Variants in PCYT2 observed in about 807,000 individuals in gnomAD.
The protein encoded by PCYT2 is ethanolamine-phosphate cytidylyltransferase.
A neutral mutation model predicts 50.0 loss-of-function variants in PCYT2; 33 were observed. The observed-to-expected ratio is 0.66, with a 90% CI of 0.50 to 0.88. The LOEUF is 0.88. Ranked by LOEUF, PCYT2 falls within the 40% of genes least tolerant of loss-of-function variation. The pLI, the probability that PCYT2 is intolerant of heterozygous loss-of-function variation, is 0.00. For missense variants in PCYT2, 430 were observed against 519.7 expected (o/e 0.83, Z 1.68); for synonymous variants, 240 against 203.7 (o/e 1.18, Z -1.52).
rs770187990 is a variant in PCYT2 at position 81,908,608 on chromosome 17, G to A, written c.367C>T (p.Arg123Trp). 30 of 1,613,460 alleles carry A rather than the reference G, an allele frequency of 1.9e-5. No individual in the cohort carries two copies. Among genetic ancestry groups the A allele is most frequent in the Admixed American group, 3.3e-5 (2 of 60,004 alleles). ...TGCTTTACTTCCTCATAGGTGTCCC[G>A]GCCATCTACAGTCAGGGTGATGTCA... ...GNDITLTVDGRDTYEEVKQAG... is the reference protein window; with the variant it reads ...GNDITLTVDGWDTYEEVKQAG... Residue 123 changes from arginine to tryptophan, a missense_variant, in exon 4 of 13, where the codon CGG becomes TGG. By Grantham distance (101) the Arg-to-Trp change is moderately radical. Around this residue, in one of 4 missense-constraint regions of PCYT2, gnomAD observed 117 missense variants for 163.9 expected, o/e 0.71. Coordinates refer to ENST00000538936, the MANE Select transcript of PCYT2 (RefSeq NM_002861.5).
In PCYT2 at chr17:81,911,331, C is replaced by T. The variant is rs1021283752; in HGVS notation, c.25G>A (p.Ala9Thr). MIRNGRGAAGGAEQPGPGG... is the reference protein window; with the variant it reads MIRNGRGATGGAEQPGPGG... ...GGGCCCGGCTGCTCTGCGCCGCCTG[C>T]AGCCCCGCGCCCGTTCCGGATCATG... is the stretch of plus-strand genomic sequence containing the variant. The change falls in exon 1 of 13, where the codon GCA (alanine) becomes ACA (threonine). Residue 9 changes from alanine to threonine, a missense_variant. Transcript: ENST00000538936. The T allele has an allele frequency of 5.4e-6, 6 of 1,116,680 alleles. No individual in the cohort carries two copies. The African/African-American group carries it at 8.4e-5, about 16-fold the overall frequency. The allele number at this position is 1,116,680 out of a possible 1,614,324, so 69.2% of individuals were successfully genotyped here. A position where few individuals can be genotyped will look rare whatever the true frequency, so the allele number is the denominator to read the frequency against.
chr17:81,906,045 G>C (rs2040245064), intron 9 of PCYT2, 55 bp downstream of exon 9: 1 of 1,483,544 alleles, frequency 6.7e-7, no homozygotes, highest in Admixed American at 1.9e-5. Context: ...CTTAGTAGGG[G>C]GGATGTTGTG....
In PCYT2 at chr17:81,911,113, C is replaced by T. The variant is rs1034059985; in HGVS notation, c.89+154G>A. 10 of 1,002,384 alleles carry T rather than the reference C, an allele frequency of 1.0e-5. No homozygotes were observed. In the South Asian group the frequency reaches 4.2e-4, roughly 42 times the overall value. The allele number at this position is 1,002,384 out of a possible 1,614,324, so 62.1% of individuals were successfully genotyped here. ...CGGAGCCTCTGCAGCCCGACCCTCC[C>T]GGCAGGCGAGCCCCGCAGCCTGCCA... On this transcript the variant is annotated intron_variant, in intron 1 of 12. Transcript: ENST00000538936.
At chr17:81,906,683 C>T (rs1363958450) in intron 7 of PCYT2, 77 bp downstream of exon 7, 12 of 1,597,004 alleles carry the variant, frequency 7.5e-6, no homozygotes, top group Non-Finnish European at 1.0e-5. Context: ...GTCTGGGGGC[C>T]CCAAGGAGTC....
At position 81,905,053 on chromosome 17, in the gene PCYT2, CA is replaced by C. The variant is rs760359124; in HGVS notation, c.1058+12del. On this transcript the variant is annotated intron_variant, in intron 12 of 12. Transcript: ENST00000538936. ...CCATGAGGCGGCTCCGAGGTGCCCC[CA>C]CCCAACTGCACCTGTTGGTGATGAT... 6.2e-7 allele frequency: 1 copy of C among 1,605,418 alleles called. No individual in the cohort carries two copies. The highest frequency in any genetic ancestry group is 2.2e-5 in the East Asian group (1 of 44,632).
chr17:81,907,255 G>A, intron 6 of PCYT2: 1 of 1,533,008 alleles, frequency 6.5e-7, no homozygotes. Context: ...TCGGGTGAGG[G>A]GGCTACAATG....
rs1273179683 is a variant in PCYT2 at position 81,905,161 on chromosome 17, G to A, written c.970-7C>T. ...TGCCCCTTCTCTTGGGCTCCTGGGG[G>A]TCCAGAGAGGAGGAGCGGGATGAAG... On this transcript the variant is annotated splice_polypyrimidine_tract_variant and splice_region_variant and intron_variant, in intron 11 of 12. Transcript: ENST00000538936. The A allele has an allele frequency of 3.7e-6, 6 of 1,609,276 alleles. No homozygotes were observed. The highest frequency in any genetic ancestry group is 1.6e-4 in the Middle Eastern group (1 of 6,074).
At position 81,904,277 on chromosome 17, in the gene PCYT2, G is replaced by C. The variant is rs1413309054; in HGVS notation, c.*556C>G. 6.6e-6 allele frequency: 1 copy of C among 152,520 alleles called. No individual in the cohort carries two copies. Among genetic ancestry groups the C allele is most frequent in the Non-Finnish European group, 1.5e-5 (1 of 68,254 alleles). 9.4% of individuals were successfully genotyped at this position (152,520 alleles called of 1,614,324 possible). A position where few individuals can be genotyped will look rare whatever the true frequency, so the allele number is the denominator to read the frequency against. ...ATTCGGTTGTACCAAAGAGATTTCC[G>C]TCAGCCATGTACAAACAGAACAGAG... On this transcript the variant is annotated 3_prime_UTR_variant, in exon 13 of 13. Transcript: ENST00000538936.
Position 81,904,857 on chromosome 17 carries a change from C to G in PCYT2, c.1146G>C (p.Leu382=), listed in dbSNP as rs549688337. ...EAARQQAAQP[L]GERDGDF ...GTTAGAAGTCACCATCGCGCTCCCC[C>G]AGGGGCTGTGCCGCCTGCTGCCTGG... The change falls in exon 13 of 13, where the codon CTG becomes CTC. Residue 382 remains leucine (L), a synonymous_variant. Coordinates refer to ENST00000538936, the MANE Select transcript of PCYT2 (RefSeq NM_002861.5). 3 of 1,612,370 alleles carry G rather than the reference C, an allele frequency of 1.9e-6. No individual in the cohort carries two copies. The African/African-American group carries it at 4.0e-5, about 21-fold the overall frequency.
Position 81,905,707 on chromosome 17 carries a change from G to A in PCYT2, c.866C>T (p.Pro289Leu), listed in dbSNP as rs1204173741. The A allele has an allele frequency of 8.1e-6, 13 of 1,613,472 alleles. No homozygotes were observed. Among genetic ancestry groups the A allele is most frequent in the Admixed American group, 3.3e-5 (2 of 59,998 alleles). Reference protein sequence around the residue: ...RYVSEVVIGAPYAVTAELLSH... With the variant: ...RYVSEVVIGALYAVTAELLSH... ...TAGGAGCTCTGCTGTGACCGCGTAC[G>A]GGGCTCCAATCACCACTTCTGACAC... Residue 289 changes from proline to leucine, a missense_variant, in exon 10 of 13, where the codon CCG becomes CTG. By Grantham distance (98) the Pro-to-Leu change is moderately conservative (BLOSUM62 -3). Around this residue, in one of 4 missense-constraint regions of PCYT2, gnomAD observed 248 missense variants for 300.2 expected, o/e 0.83. Coordinates refer to ENST00000538936, the MANE Select transcript of PCYT2 (RefSeq NM_002861.5).
intron 1 of PCYT2, 127 bp from the exon 2 acceptor site, chr17:81,909,729 G>A (rs2040473688): frequency 2.8e-6 from 2 of 705,352 alleles, no homozygotes; most frequent in South Asian, 1.5e-5. Flanking sequence ...CTGCTGCTGG[G>A]AGCCCTGGGA....
chr17:81,902,094 G>A lies in PCYT2; in HGVS notation c.*2739C>T. ...CGCGCCTCCAGCGCTCGCCCGCGCGGCTGGTTCCTTTGGGATGCGGAGGTG... is the reference window on the plus strand; with the variant it reads ...CGCGCCTCCAGCGCTCGCCCGCGCGACTGGTTCCTTTGGGATGCGGAGGTG... On this transcript the variant is annotated 3_prime_UTR_variant, in exon 13 of 13. Coordinates refer to ENST00000538936, the MANE Select transcript of PCYT2 (RefSeq NM_002861.5). 2.4e-6 allele frequency: 1 copy of A among 419,164 alleles called. No homozygotes were observed. The highest frequency in any genetic ancestry group is 3.7e-6 in the Non-Finnish European group (1 of 270,050). The allele number at this position is 419,164 out of a possible 1,614,324, so 26.0% of individuals were successfully genotyped here.
chr17:81,905,525 G>A (rs2040213366), intron 10 of PCYT2, 78 bp from the exon 11 acceptor site: 4 of 1,469,906 alleles, frequency 2.7e-6, no homozygotes, highest in Non-Finnish European at 3.7e-6. Flanking sequence ...ACAGGCCCCG[G>A]GGGTTGGGAG....
rs1255780415 is a variant in PCYT2 at position 81,904,683 on chromosome 17, G to A, written c.*150C>T. The A allele has an allele frequency of 5.0e-6, 3 of 604,148 alleles. No homozygotes were observed. The highest frequency in any genetic ancestry group is 3.7e-5 in the African/African-American group (2 of 54,026). The allele number at this position is 604,148 out of a possible 1,614,324, so 37.4% of individuals were successfully genotyped here. ...AGAGCGGAGAGCCTGCTGCAAACCAGGCACCTTGTAGGCAGGCAAGGAGGC... is the reference window on the plus strand; with the variant it reads ...AGAGCGGAGAGCCTGCTGCAAACCAAGCACCTTGTAGGCAGGCAAGGAGGC... On this transcript the variant is annotated 3_prime_UTR_variant, in exon 13 of 13. Coordinates refer to ENST00000538936, the MANE Select transcript of PCYT2 (RefSeq NM_002861.5).
Position 81,902,805 on chromosome 17 carries a change from G to C in PCYT2, c.*2028C>G. ...CCCCGCCCCCACCGTCCCACTCGGT[G>C]ACCCCAGGCCCCTCCGGCGCGGGAT... On this transcript the variant is annotated 3_prime_UTR_variant, in exon 13 of 13. Coordinates refer to ENST00000538936, the MANE Select transcript of PCYT2 (RefSeq NM_002861.5). The C allele has an allele frequency of 6.5e-7, 1 of 1,528,786 alleles. No homozygotes were observed. Among genetic ancestry groups the C allele is most frequent in the Non-Finnish European group, 8.8e-7 (1 of 1,135,424 alleles). The allele number at this position is 1,528,786 out of a possible 1,614,324, so 94.7% of individuals were successfully genotyped here. A position where few individuals can be genotyped will look rare whatever the true frequency, so the allele number is the denominator to read the frequency against.
At position 81,906,520 on chromosome 17, in the gene PCYT2, T is replaced by C; in HGVS notation, c.703A>G (p.Lys235Glu). Residue 235 changes from lysine (K) to glutamate (E), a missense_variant, in exon 8 of 13, where the codon AAG (lysine) becomes GAG (glutamate). By Grantham distance (56) the Lys-to-Glu change is moderately conservative. Coordinates refer to ENST00000538936, the MANE Select transcript of PCYT2 (RefSeq NM_002861.5). ...FHIGHVDFLE[K>E]VHRLAERPYI... ...GGCCTCTCTGCCAGCCTGTGCACCT[T>C]CTCCAGGAAGTCCACATGCCCGATG... The C allele has an allele frequency of 6.2e-7, 1 of 1,613,462 alleles. No homozygotes were observed. Among genetic ancestry groups the C allele is most frequent in the Non-Finnish European group, 8.5e-7 (1 of 1,179,902 alleles).
chr17:81,907,868 CAGTG>C lies in PCYT2; in HGVS notation c.408-15_408-12del, dbSNP rs745841208. On this transcript the variant is annotated splice_polypyrimidine_tract_variant and intron_variant, in intron 4 of 12. Coordinates refer to ENST00000538936, the MANE Select transcript of PCYT2 (RefSeq NM_002861.5). ...GTGCGCTTGCATTCTCTGGGGGACA[CAGTG>C]GGAGTGGGGTCTCATCCTGGGACAC... 2.0e-5 allele frequency: 32 copies of C among 1,598,322 alleles called. No individual in the cohort carries two copies. Among genetic ancestry groups the C allele is most frequent in the Admixed American group, 6.8e-5 (4 of 59,084 alleles).
At position 81,902,778 on chromosome 17, in the gene PCYT2, C is replaced by A. The variant is rs1374967124; in HGVS notation, c.*2055G>T. 6.4e-7 allele frequency: 1 copy of A among 1,571,498 alleles called. No individual in the cohort carries two copies. The highest frequency in any genetic ancestry group is 8.6e-7 in the Non-Finnish European group (1 of 1,161,528). On this transcript the variant is annotated 3_prime_UTR_variant, in exon 13 of 13. Coordinates refer to ENST00000538936, the MANE Select transcript of PCYT2 (RefSeq NM_002861.5). ...GGACCTCTCCTGGCACCGCTGGGGG[C>A]CCCCCGCCCCCACCGTCCCACTCGG... is the stretch of plus-strand genomic sequence containing the variant.
intron 8 of PCYT2, 80 bp downstream of exon 8, chr17:81,906,384 C>T (rs979351146): frequency 2.8e-6 from 4 of 1,435,192 alleles, no homozygotes; most frequent in African/African-American, 1.4e-5. Flanking sequence ...CCAGAGACCA[C>T]CTGCACCTAA....
Sources: gnomAD v4.1 joint callset for allele counts on GRCh38, gnomAD v4.1.1 for gene constraint, gnomAD v4.1.1 regional missense constraint, MANE v1.5 for transcripts, NCBI Gene and HGNC (gene_info 2026-07-23, HGNC 2026-07-21) for gene names.